Variants in CHST1 observed in about 807,000 individuals in gnomAD.
The protein encoded by CHST1 is carbohydrate sulfotransferase 1.
CHST1 carries 10 observed loss-of-function variants against 22.5 expected under a neutral mutation model. The ratio of observed to expected loss-of-function variants is 0.44; its 90% CI spans 0.27 to 0.75. The LOEUF (loss-of-function observed/expected upper bound fraction) is 0.75, where lower values mean the gene tolerates loss of function less well. Ranked by LOEUF, CHST1 falls within the 30% of genes least tolerant of loss-of-function variation. The probability of loss-of-function intolerance (pLI) is 0.15; values close to 1 mark genes in which losing one functional copy is unlikely to be tolerated. For missense variants in CHST1, 439 were observed against 576.1 expected, an observed-to-expected ratio of 0.76 and a Z score of 2.44; for synonymous variants, 267 against 264.5, an observed-to-expected ratio of 1.01 and a Z score of -0.09.
rs1564995702 is a variant in CHST1 at position 45,649,873 on chromosome 11, GC to G, written c.1050del (p.Arg351GlufsTer44). ...TTCTCGGCCGTGGCCGCCGAGTTTC[GC>G]ACGGTGCCGTATTTGTGCTTGCCCA... is the stretch of plus-strand genomic sequence containing the variant. Reference protein sequence around the residue: ...PTLGKHKYGTVRNSAATAEKW... With the variant: ...PTLGKHKYGTXRNSAATAEKW... On this transcript the variant is annotated frameshift_variant, in exon 4 of 4. Transcript: ENST00000308064. LOFTEE classifies it high-confidence loss of function. The G allele has an allele frequency of 6.2e-7, 1 of 1,610,982 alleles. No homozygotes were observed. Among genetic ancestry groups the G allele is most frequent in the East Asian group, 2.2e-5 (1 of 44,860 alleles).
At chr11:45,654,848 G>T (rs1852042972) in intron 1 of CHST1, among the ~76,000 whole-genome samples, 2 of 152,198 alleles carry the variant, frequency 1.3e-5, no homozygotes. Flanking sequence ...TGGGAGCAGT[G>T]AACAGCTCTA....
At position 45,649,846 on chromosome 11, in the gene CHST1, A is replaced by G; in HGVS notation, c.1078T>C (p.Trp360Arg). 6.8e-6 allele frequency: 11 copies of G among 1,611,252 alleles called. No individual in the cohort carries two copies. Among genetic ancestry groups the G allele is most frequent in the Non-Finnish European group, 8.5e-6 (10 of 1,179,948 alleles). The change falls in exon 4 of 4, where the codon TGG becomes CGG. Residue 360 changes from tryptophan (W) to arginine (R), a missense_variant. Trp to Arg is a moderately radical substitution (Grantham distance 101, BLOSUM62 -3). Transcript: ENST00000308064. ...VRNSAATAEKWRFRLSYDIVA... is the reference protein window; with the variant it reads ...VRNSAATAEKRRFRLSYDIVA... ...ATGTCGTAGGAGAGGCGGAAGCGCC[A>G]CTTCTCGGCCGTGGCCGCCGAGTTT...
At chr11:45,660,770 G>T (rs45458595) in intron 1 of CHST1, among the ~76,000 whole-genome samples, 50 of 152,246 alleles carry the variant, frequency 3.3e-4, no homozygotes, top group Non-Finnish European at 6.6e-4. Flanking sequence ...CTCCCCAAGT[G>T]CCCAGCTTGG....
In CHST1 at chr11:45,649,734, G is replaced by T; in HGVS notation, c.1190C>A (p.Pro397His). ...CCGCTCCTCCACCAGGCTGACCGAG[G>T]GGTTCTTCAGCTCCTCCTCCGAGGC... Reference protein sequence around the residue: ...IAASEEELKNPSVSLVEERDF... With the variant: ...IAASEEELKNHSVSLVEERDF... The change falls in exon 4 of 4, where the codon CCC becomes CAC. Residue 397 changes from proline (P) to histidine (H), a missense_variant. By Grantham distance (77) the Pro-to-His change is moderately conservative. Coordinates refer to ENST00000308064, the MANE Select transcript of CHST1 (RefSeq NM_003654.6). The T allele has an allele frequency of 6.2e-7, 1 of 1,605,682 alleles. No individual in the cohort carries two copies.
rs1196349169 is a variant in CHST1, at chr11:45,648,595, G to A, written c.*1093C>T. On this transcript the variant is annotated 3_prime_UTR_variant, in exon 4 of 4. Transcript: ENST00000308064. ...AGTCCCAGTCACTCGGGAGGCTGAG[G>A]CGGGAGAACTGCTTGAACCTGGGAG... is the stretch of plus-strand genomic sequence containing the variant. Among the ~76,000 whole-genome samples, 1 of 152,190 alleles carries A rather than the reference G, an allele frequency of 6.6e-6. No homozygotes were observed. Among genetic ancestry groups the A allele is most frequent in the Non-Finnish European group, 1.5e-5 (1 of 68,040 alleles).
Position 45,650,951 on chromosome 11 carries a change from T to C in CHST1, c.-28A>G. 6.6e-7 allele frequency: 1 copy of C among 1,517,976 alleles called. No individual in the cohort carries two copies. The highest frequency in any genetic ancestry group is 1.3e-5 in the South Asian group (1 of 75,242). 94.0% of individuals were successfully genotyped at this position (1,517,976 alleles called of 1,614,324 possible). Reference sequence around the variant, plus strand: ...CTGGGCACCTTCATGGGGCTGCTTCTCCAAGGGGTGAGGTCTGTGGGCAAA... The same window carrying C: ...CTGGGCACCTTCATGGGGCTGCTTCCCCAAGGGGTGAGGTCTGTGGGCAAA... On this transcript the variant is annotated 5_prime_UTR_variant, in exon 4 of 4. Transcript: ENST00000308064.
In CHST1 at chr11:45,649,450, T is replaced by TG. The variant is rs56347358; in HGVS notation, c.*237dup. On this transcript the variant is annotated 3_prime_UTR_variant, in exon 4 of 4. Coordinates refer to ENST00000308064, the MANE Select transcript of CHST1 (RefSeq NM_003654.6). Reference sequence around the variant, plus strand: ...GAGACCCAACATCCATGTGTCTGAATGGGGGGGGGGGGGGCGGGACCCTAC... The same window carrying TG: ...GAGACCCAACATCCATGTGTCTGAATGGGGGGGGGGGGGGGCGGGACCCTAC... 29 of 458,764 alleles carry TG rather than the reference T, an allele frequency of 6.3e-5. No homozygotes were observed. Among genetic ancestry groups the TG allele is most frequent in the African/African-American group, 5.5e-4 (22 of 40,002 alleles). 28.4% of individuals were successfully genotyped at this position (458,764 alleles called of 1,614,324 possible).
intron 1 of CHST1, among the ~76,000 whole-genome samples, chr11:45,664,346 T>C (rs1380185336): frequency 6.6e-6 from 1 of 152,130 alleles, no homozygotes; most frequent in Non-Finnish European, 1.5e-5. Flanking sequence ...AAGAGCAGTT[T>C]TAAGTCCACC....
At chr11:45,652,661 A>C (rs1852012637) in intron 1 of CHST1, 55 bp from the exon 2 acceptor site, 1 of 152,232 alleles carries the variant, frequency 6.6e-6, no homozygotes, top group Admixed American at 6.5e-5. Flanking sequence ...GATGCACCTC[A>C]TAGAGTCTGA....
In CHST1 at chr11:45,648,565, C is replaced by T. The variant is rs1485179326; in HGVS notation, c.*1123G>A. On this transcript the variant is annotated 3_prime_UTR_variant, in exon 4 of 4. Coordinates refer to ENST00000308064, the MANE Select transcript of CHST1 (RefSeq NM_003654.6). Reference sequence around the variant, plus strand: ...AAATAGCCAGGTGTGGCAGTGTGCACCTGTAGTCCCAGTCACTCGGGAGGC... The same window carrying T: ...AAATAGCCAGGTGTGGCAGTGTGCATCTGTAGTCCCAGTCACTCGGGAGGC... Among the ~76,000 whole-genome samples the T allele has an allele frequency of 5.9e-5, 9 of 151,874 alleles. No individual in the cohort carries two copies. The highest frequency in any genetic ancestry group is 1.0e-4 in the Non-Finnish European group (7 of 67,984).
intron 1 of CHST1, among the ~76,000 whole-genome samples, chr11:45,658,825 T>C (rs1852094758): frequency 7.0e-6 from 1 of 143,828 alleles, no homozygotes; most frequent in Non-Finnish European, 1.5e-5. Flanking sequence ...ACAGCCAGAG[T>C]TGGAATAGTA....
At chr11:45,657,806 C>T (rs1304167219) in intron 1 of CHST1, among the ~76,000 whole-genome samples, 1 of 152,196 alleles carries the variant, frequency 6.6e-6, no homozygotes, top group Non-Finnish European at 1.5e-5. Context: ...TATGGACCCT[C>T]TCTCCAGAAC....
At position 45,650,304 on chromosome 11, in the gene CHST1, G is replaced by T. The variant is rs1354494827; in HGVS notation, c.620C>A (p.Thr207Lys). The T allele has an allele frequency of 6.2e-7, 1 of 1,605,026 alleles. No individual in the cohort carries two copies. ...CRERSHVAIK[T>K]VRVPEVNDLR... is the part of the protein sequence containing the mutation. ...GTCGTTCACCTCGGGCACGCGCACC[G>T]TCTTGATGGCCACGTGGCTGCGCTC... The change falls in exon 4 of 4, where the codon ACG (threonine) becomes AAG (lysine). Residue 207 changes from threonine (T) to lysine (K), a missense_variant. Coordinates refer to ENST00000308064, the MANE Select transcript of CHST1 (RefSeq NM_003654.6).
At chr11:45,664,513 A>G (rs1412758260) in intron 1 of CHST1, among the ~76,000 whole-genome samples, 1 of 152,226 alleles carries the variant, frequency 6.6e-6, no homozygotes, top group African/African-American at 2.4e-5. Context: ...AACGCCCAGC[A>G]TCCCAGCTAG....
chr11:45,657,929 T>C (rs1369959521), intron 1 of CHST1, among the ~76,000 whole-genome samples: 1 of 152,206 alleles, frequency 6.6e-6, no homozygotes, highest in Non-Finnish European at 1.5e-5. Flanking sequence ...CTCACAGTCA[T>C]GGTTTCCAAG....
Position 45,650,569 on chromosome 11 carries a change from C to A in CHST1, c.355G>T (p.Ala119Ser), listed in dbSNP as rs1413121247. 1.2e-6 allele frequency: 2 copies of A among 1,613,490 alleles called. No homozygotes were observed. Among genetic ancestry groups the A allele is most frequent in the Non-Finnish European group, 1.7e-6 (2 of 1,179,958 alleles). Residue 119 changes from alanine (A) to serine (S), a missense_variant, in exon 4 of 4, where the codon GCC (alanine) becomes TCC (serine). Ala to Ser is a moderately conservative substitution (Grantham distance 99). Coordinates refer to ENST00000308064, the MANE Select transcript of CHST1 (RefSeq NM_003654.6). Reference protein sequence around the residue: ...SPADRRVMLGASRDLLRSLYD... With the variant: ...SPADRRVMLGSSRDLLRSLYD... ...AGGCTCCGCAGGAGGTCGCGGCTGG[C>A]GCCTAGCATGACCCGCCGGTCGGCC...
At chr11:45,652,289 G>A (rs1852008166) in intron 2 of CHST1, among the ~76,000 whole-genome samples, 199 bp from the exon 3 acceptor site, 1 of 152,146 alleles carries the variant, frequency 6.6e-6, no homozygotes, top group Non-Finnish European at 1.5e-5. Context: ...CCTGAGTGTG[G>A]CCCTCTGAGT....
chr11:45,658,116 G>A (rs978210692), intron 1 of CHST1, among the ~76,000 whole-genome samples: 1 of 152,196 alleles, frequency 6.6e-6, no homozygotes, highest in African/African-American at 2.4e-5. Context: ...GGCAGTCGGA[G>A]GGGTAGTTAG....
rs1351219533 is a variant in CHST1, at chr11:45,654,016, C to T, written c.-226-1410G>A. On this transcript the variant is annotated intron_variant, in intron 1 of 3. Coordinates refer to ENST00000308064, the MANE Select transcript of CHST1 (RefSeq NM_003654.6). The stretch of plus-strand genomic sequence containing the variant: ...GTGCTAGGAAGTCCACGTTCAAATC[C>T]TTTTCCCTAATTCCACTCATATTAC... 4.6e-5 allele frequency among the ~76,000 whole-genome samples: 7 copies of T among 152,300 alleles called. No individual in the cohort carries two copies. The East Asian group carries it at 1.2e-3, about 25-fold the overall frequency.
Sources: gnomAD v4.1 joint callset for allele counts (sites outside exome capture counted in the v4.1 genomes callset) on GRCh38, gnomAD v4.1.1 for gene constraint, MANE v1.5 for transcripts, NCBI Gene and HGNC (gene_info 2026-07-23, HGNC 2026-07-21) for gene names.